The following VIPR2 variants were observed in gnomAD, a reference collection of about 807,000 sequenced individuals.
The protein encoded by VIPR2 is vasoactive intestinal peptide receptor 2, also known as vasoactive intestinal polypeptide receptor 2.
Under a neutral mutation model 58.0 loss-of-function variants are expected in VIPR2, and 48 were observed. The ratio of observed to expected loss-of-function variants is 0.83; its 90% CI spans 0.66 to 1.05. The LOEUF (loss-of-function observed/expected upper bound fraction) is 1.05. Among genes scored for constraint, VIPR2 ranks in the 50% least tolerant of loss-of-function variants. The pLI, the probability that VIPR2 is intolerant of heterozygous loss-of-function variation, is 0.00. For missense variants in VIPR2, 534 were observed against 558.0 expected (o/e 0.96, Z 0.43); for synonymous variants, 243 against 235.2 (o/e 1.03, Z -0.30).
intron 6 of VIPR2, among the ~76,000 whole-genome samples, chr7:159,037,321 C>A (rs1385029474): frequency 6.6e-6 from 1 of 152,196 alleles, no homozygotes. Context: ...ACCAGAAGAG[C>A]CGGCAGGAGG....
rs372122781 is a variant in VIPR2 at position 159,100,030 on chromosome 7, C to T, written c.357+3727G>A. 2.3e-3 allele frequency among the ~76,000 whole-genome samples: 347 copies of T among 152,304 alleles called. 4 individuals carry two copies. Among genetic ancestry groups the T allele is most frequent in the African/African-American group, 8.0e-3 (332 of 41,576 alleles). ...CTGGGCCCCCAACACTCAACTCAGT[C>T]TTCTCTCAACTCCACTGGATGCCAT... is the stretch of plus-strand genomic sequence containing the variant. On this transcript the variant is annotated intron_variant, in intron 4 of 12. Coordinates refer to ENST00000262178, the MANE Select transcript of VIPR2 (RefSeq NM_003382.5).
intron 2 of VIPR2, among the ~76,000 whole-genome samples, chr7:159,140,953 T>C (rs1797441995): frequency 6.6e-6 from 1 of 152,142 alleles, no homozygotes. Flanking sequence ...TTTTAATGTA[T>C]TGTTTGCAAA....
chr7:159,032,172 C>T, intron 10 of VIPR2, 105 bp from the exon 11 acceptor site: 2 of 1,480,064 alleles, frequency 1.4e-6, no homozygotes, highest in Non-Finnish European at 9.1e-7. Context: ...GGAGGGGCTC[C>T]ACACCTCCTC....
intron 2 of VIPR2, among the ~76,000 whole-genome samples, chr7:159,135,204 G>C (rs1314442169): frequency 6.6e-6 from 1 of 151,910 alleles, no homozygotes. Context: ...GGGAGGCCAA[G>C]GCAGGCGGAT....
intron 4 of VIPR2, among the ~76,000 whole-genome samples, chr7:159,062,702 G>A (rs78865516): frequency 1.4e-3 from 206 of 152,106 alleles, no homozygotes; most frequent in African/African-American, 4.0e-3. Context: ...TTATTACAAA[G>A]GGCAAAAGAA....
chr7:159,126,167 C>G (rs985241455), intron 2 of VIPR2, among the ~76,000 whole-genome samples: 2 of 152,172 alleles, frequency 1.3e-5, no homozygotes, highest in East Asian at 3.8e-4. Context: ...CTGAAATCTC[C>G]CTGTCAGTGA....
At chr7:159,094,017 C>T (rs1400421133) in intron 4 of VIPR2, among the ~76,000 whole-genome samples, 3 of 152,214 alleles carry the variant, frequency 2.0e-5, no homozygotes, top group African/African-American at 7.2e-5. Context: ...TCTGCCTTGA[C>T]CTCTCAAGGA....
At chr7:159,034,388 C>T in intron 9 of VIPR2, 84 bp from the exon 10 acceptor site, 2 of 1,422,860 alleles carry the variant, frequency 1.4e-6, no homozygotes, top group Non-Finnish European at 2.0e-6. Flanking sequence ...ACCCTCCCCT[C>T]CGCTCCCTCA....
chr7:159,140,250 A>G (rs1797409224), intron 2 of VIPR2, among the ~76,000 whole-genome samples: 1 of 152,170 alleles, frequency 6.6e-6, no homozygotes, highest in East Asian at 1.9e-4. Flanking sequence ...ACAGACCCTC[A>G]GTATCTCATC....
chr7:159,044,945 T>C (rs1410954789), intron 5 of VIPR2, among the ~76,000 whole-genome samples: 1 of 152,136 alleles, frequency 6.6e-6, no homozygotes, highest in African/African-American at 2.4e-5. Flanking sequence ...TTTGTACTTT[T>C]AGTAGAGATG....
At chr7:159,058,637 G>T in intron 4 of VIPR2, 59 bp from the exon 5 acceptor site, 2 of 1,293,882 alleles carry the variant, frequency 1.5e-6, no homozygotes, top group Non-Finnish European at 2.2e-6. Context: ...CAGACAACAG[G>T]AATGGTTCCA....
chr7:159,087,940 T>C (rs1415816607), intron 4 of VIPR2, among the ~76,000 whole-genome samples: 2 of 152,218 alleles, frequency 1.3e-5, no homozygotes, highest in Non-Finnish European at 2.9e-5. Flanking sequence ...GAGATACTGC[T>C]TCCCAAACAA....
rs1340456320 is a variant in VIPR2 at position 159,034,652 on chromosome 7, T to C, written c.810-2A>G. 1.2e-6 allele frequency: 2 copies of C among 1,613,438 alleles called. No homozygotes were observed. The highest frequency in any genetic ancestry group is 1.7e-5 in the Admixed American group (1 of 60,008). On this transcript the variant is annotated splice_acceptor_variant, in intron 8 of 12. Transcript: ENST00000262178. LOFTEE classifies it high-confidence loss of function. Reference sequence around the variant, plus strand: ...CTGTGGTCGTTTGTATCCCAGCAACTGTCAGAGAGAGATGGGAAATCAGGT... The same window carrying C: ...CTGTGGTCGTTTGTATCCCAGCAACCGTCAGAGAGAGATGGGAAATCAGGT...
intron 2 of VIPR2, among the ~76,000 whole-genome samples, chr7:159,116,279 CAGG>C (rs936762544): frequency 1.1e-4 from 16 of 152,336 alleles, no homozygotes; most frequent in Admixed American, 9.8e-4. Flanking sequence ...AGCCAAGTTT[CAGG>C]AGATTTGTGC....
At chr7:159,042,915 A>T in intron 6 of VIPR2, 120 bp downstream of exon 6, 1 of 1,322,964 alleles carries the variant, frequency 7.6e-7, no homozygotes, top group Admixed American at 2.8e-5. Context: ...TCTGTTTCTC[A>T]GCCATGACCC....
At chr7:159,142,622 A>G (rs1334979951) in intron 1 of VIPR2, 77 bp from the exon 2 acceptor site, 2 of 1,088,624 alleles carry the variant, frequency 1.8e-6, no homozygotes, top group East Asian at 4.8e-5. Context: ...TTCTACAAAA[A>G]CAACCCCAAA....
chr7:159,129,961 C>A (rs1313514271), intron 2 of VIPR2, among the ~76,000 whole-genome samples: 50 of 113,658 alleles, frequency 4.4e-4, no homozygotes, highest in Non-Finnish European at 6.7e-4. Flanking sequence ...CTCAAACTGG[C>A]CTCTGGCGGG....
Position 159,036,751 on chromosome 7 carries a change from C to A in VIPR2, c.748+1G>T. 6.2e-7 allele frequency: 1 copy of A among 1,612,286 alleles called. No individual in the cohort carries two copies. Among genetic ancestry groups the A allele is most frequent in the Non-Finnish European group, 8.5e-7 (1 of 1,179,170 alleles). ...TTGTGGGTGGGAAGGGGCACACTTA[C>A]CCCATCCGATCAGGAGGTAGGCCAG... On this transcript the variant is annotated splice_donor_variant, in intron 7 of 12. Coordinates refer to ENST00000262178, the MANE Select transcript of VIPR2 (RefSeq NM_003382.5). LOFTEE classifies it high-confidence loss of function.
At chr7:159,054,503 A>G (rs971204189) in intron 5 of VIPR2, among the ~76,000 whole-genome samples, 1 of 152,248 alleles carries the variant, frequency 6.6e-6, no homozygotes, top group Non-Finnish European at 1.5e-5. Flanking sequence ...AAACAGAAAA[A>G]TGAGCAAACT....
Sources: gnomAD v4.1 joint callset for allele counts (sites outside exome capture counted in the v4.1 genomes callset) on GRCh38, gnomAD v4.1.1 for gene constraint, MANE v1.5 for transcripts, NCBI Gene and HGNC (gene_info 2026-07-23, HGNC 2026-07-21) for gene names.